ATRNL1: variants seen among roughly 807,000 people sequenced by gnomAD.
ATRNL1 encodes the protein attractin like 1, also known as attractin-like protein 1.
A neutral mutation model predicts 182.7 loss-of-function variants in ATRNL1; 95 were observed. The ratio of observed to expected loss-of-function variants is 0.52; its 90% CI spans 0.44 to 0.62. ATRNL1 has a LOEUF of 0.62. Ranked by LOEUF, ATRNL1 falls within the 20% of genes least tolerant of loss-of-function variation. The pLI is 0.00. For synonymous variants in ATRNL1, 576 were observed against 568.3 expected, an observed-to-expected ratio of 1.01 and a Z score of -0.19; for missense variants, 1,471 against 1,679.5, an observed-to-expected ratio of 0.88 and a Z score of 2.17.
intron 24 of ATRNL1, among the ~76,000 whole-genome samples, chr10:115,496,630 C>T (rs893229799): frequency 1.3e-5 from 2 of 152,246 alleles, no homozygotes; most frequent in Non-Finnish European, 2.9e-5. Flanking sequence ...TCGATGTGGA[C>T]GTTTAGCACT....
At chr10:115,262,948 A>G (rs1851452369) in intron 10 of ATRNL1, among the ~76,000 whole-genome samples, 1 of 152,080 alleles carries the variant, frequency 6.6e-6, no homozygotes, top group South Asian at 2.1e-4. Context: ...GCAAATTGGG[A>G]AAATCTAGTA....
intron 27 of ATRNL1, among the ~76,000 whole-genome samples, chr10:115,803,189 T>G (rs2134239466): frequency 6.6e-6 from 1 of 152,330 alleles, no homozygotes; most frequent in Middle Eastern, 3.4e-3. Flanking sequence ...CTTGGAATGC[T>G]TTCTAGAAGT....
intron 20 of ATRNL1, among the ~76,000 whole-genome samples, chr10:115,411,478 T>G (rs1845138394): frequency 6.6e-6 from 1 of 152,028 alleles, no homozygotes; most frequent in Non-Finnish European, 1.5e-5. Context: ...CTAAATCTGT[T>G]TTCCATGAAA....
intron 26 of ATRNL1, among the ~76,000 whole-genome samples, chr10:115,655,478 A>C (rs991535940): frequency 6.6e-6 from 1 of 152,170 alleles, no homozygotes; most frequent in Non-Finnish European, 1.5e-5. Flanking sequence ...TAAGGAATAA[A>C]ATTTTAGTAA....
At chr10:115,152,669 A>G (rs566563490) in intron 5 of ATRNL1, among the ~76,000 whole-genome samples, 2 of 152,312 alleles carry the variant, frequency 1.3e-5, no homozygotes, top group Non-Finnish European at 2.9e-5. Context: ...AACAGGGACA[A>G]TTTGACTTCC....
chr10:115,164,492 G>T (rs1478966520), intron 6 of ATRNL1, among the ~76,000 whole-genome samples: 4 of 152,124 alleles, frequency 2.6e-5, no homozygotes, highest in Non-Finnish European at 4.4e-5. Context: ...GTAGCCAAAA[G>T]AAAGTAAATC....
intron 27 of ATRNL1, among the ~76,000 whole-genome samples, chr10:115,830,696 GAACCA>G (rs1950539631): frequency 6.6e-6 from 1 of 152,074 alleles, no homozygotes; most frequent in African/African-American, 2.4e-5. Context: ...GTTTCAGATG[GAACCA>G]CAAGCATTTG....
chr10:115,897,473 A>G (rs1474842887), intron 28 of ATRNL1, among the ~76,000 whole-genome samples: 5 of 152,204 alleles, frequency 3.3e-5, no homozygotes, highest in African/African-American at 1.2e-4. Context: ...AATATTTTAA[A>G]TGTTAATCGG....
chr10:115,191,037 G>C (rs576958885), intron 8 of ATRNL1, among the ~76,000 whole-genome samples: 49 of 152,158 alleles, frequency 3.2e-4, no homozygotes, highest in Non-Finnish European at 6.3e-4. Context: ...TGTTGTTGCA[G>C]ATGACAGGAT....
In ATRNL1 at chr10:115,464,998, T is replaced by G. The variant is rs545071113; in HGVS notation, c.3418-2176T>G. On this transcript the variant is annotated intron_variant, in intron 22 of 28. Transcript: ENST00000355044. Reference sequence around the variant, plus strand: ...TAAGCACTATGGGCTGAAACCAAAGTTTTTTTTCCAGAAATTATTTCATTT... The same window carrying G: ...TAAGCACTATGGGCTGAAACCAAAGGTTTTTTTCCAGAAATTATTTCATTT... Among the ~76,000 whole-genome samples the G allele has an allele frequency of 1.1e-4, 16 of 149,686 alleles. No homozygotes were observed. In the East Asian group the frequency reaches 2.7e-3, roughly 25 times the overall value.
intron 21 of ATRNL1, among the ~76,000 whole-genome samples, chr10:115,432,981 C>T (rs1846239343): frequency 6.6e-6 from 1 of 152,012 alleles, no homozygotes; most frequent in African/African-American, 2.4e-5. Context: ...CTTTATTTCA[C>T]TATTGTGCTA....
chr10:115,502,330 A>G (rs1280220630), intron 24 of ATRNL1, among the ~76,000 whole-genome samples: 1 of 152,100 alleles, frequency 6.6e-6, no homozygotes, highest in Admixed American at 6.5e-5. Context: ...GGTTAGAAAA[A>G]GACATAATTT....
At chr10:115,109,452 G>A (rs1397582124) in intron 1 of ATRNL1, among the ~76,000 whole-genome samples, 1 of 152,210 alleles carries the variant, frequency 6.6e-6, no homozygotes, top group Non-Finnish European at 1.5e-5. Flanking sequence ...AAGAGAGAAA[G>A]AGAGGAGGGC....
intron 26 of ATRNL1, among the ~76,000 whole-genome samples, chr10:115,628,995 T>C (rs1419829931): frequency 6.6e-6 from 1 of 152,160 alleles, no homozygotes; most frequent in Non-Finnish European, 1.5e-5. Flanking sequence ...TTTATTCCAT[T>C]ACTCTCATTT....
Position 115,154,815 on chromosome 10 carries a change from A to G in ATRNL1, c.830-5225A>G, listed in dbSNP as rs59450470. Among the ~76,000 whole-genome samples, 28 of 152,248 alleles carry G rather than the reference A, an allele frequency of 1.8e-4. No homozygotes were observed. In the East Asian group the frequency reaches 4.3e-3, roughly 23 times the overall value. On this transcript the variant is annotated intron_variant, in intron 5 of 28. Transcript: ENST00000355044. ...CCCCAACTGTTATTTTATTGGATCAAATAACACTGGTGCCAAGAAACGGTG... is the reference window on the plus strand; with the variant it reads ...CCCCAACTGTTATTTTATTGGATCAGATAACACTGGTGCCAAGAAACGGTG...
chr10:115,394,779 T>C (rs1554955161), intron 20 of ATRNL1, 27 bp downstream of exon 20: 1 of 1,506,558 alleles, frequency 6.6e-7, no homozygotes, highest in African/African-American at 1.4e-5. Flanking sequence ...TTTTAGAACT[T>C]TCGTGGATTG....
intron 19 of ATRNL1, among the ~76,000 whole-genome samples, chr10:115,376,203 G>T (rs1475111606): frequency 6.6e-6 from 1 of 151,742 alleles, no homozygotes; most frequent in Non-Finnish European, 1.5e-5. Context: ...AGGGGGTAGG[G>T]ATTTCCATTA....
chr10:115,623,945 G>A (rs546608984), intron 26 of ATRNL1, among the ~76,000 whole-genome samples: 24 of 152,094 alleles, frequency 1.6e-4, no homozygotes, highest in East Asian at 3.9e-4. Flanking sequence ...TTTTAGGGAC[G>A]CATGAAAGGA....
chr10:115,203,111 G>A (rs1266829506), intron 8 of ATRNL1, among the ~76,000 whole-genome samples: 23 of 152,128 alleles, frequency 1.5e-4, no homozygotes, highest in African/African-American at 5.6e-4. Flanking sequence ...GTGGAAGTAT[G>A]AAATGATTGT....
Sources: gnomAD v4.1 joint callset for allele counts (sites outside exome capture counted in the v4.1 genomes callset) on GRCh38, gnomAD v4.1.1 for gene constraint, MANE v1.5 for transcripts, NCBI Gene and HGNC (gene_info 2026-07-23, HGNC 2026-07-21) for gene names.